TUT4: variants seen among roughly 807,000 people sequenced by gnomAD.
TUT4 encodes the protein terminal uridylyltransferase 4.
TUT4 carries 36 observed loss-of-function variants against 192.2 expected under a neutral mutation model. That is an observed-to-expected ratio of 0.19 (90% confidence interval 0.14 to 0.25). The LOEUF is 0.25. Among genes scored for constraint, TUT4 ranks in the 10% least tolerant of loss-of-function variants. The pLI is 1.00. For missense variants in TUT4, 1,493 were observed against 1,957.2 expected (o/e 0.76, Z 4.47); for synonymous variants, 618 against 666.0 (o/e 0.93, Z 1.11).
At position 52,445,770 on chromosome 1, in the gene TUT4, A is replaced by G. The variant is rs369000420; in HGVS notation, c.3822+17T>C. ...TAAAAAAAGAAAAGATTCACAATTC[A>G]TATAATGTAAACTTACAGCTTCTCT... On this transcript the variant is annotated intron_variant, in intron 24 of 29. Coordinates refer to ENST00000257177, the MANE Select transcript of TUT4 (RefSeq NM_001009881.3). 2.6e-6 allele frequency: 4 copies of G among 1,561,040 alleles called. No homozygotes were observed. In the African/African-American group the frequency reaches 5.5e-5, roughly 21 times the overall value.
At chr1:52,520,349 A>G (rs1679913398) in intron 2 of TUT4, among the ~76,000 whole-genome samples, 1 of 152,234 alleles carries the variant, frequency 6.6e-6, no homozygotes, top group African/African-American at 2.4e-5. Flanking sequence ...TAACAGGATC[A>G]TTCTGCTTAC....
intron 2 of TUT4, among the ~76,000 whole-genome samples, chr1:52,519,380 T>C (rs1044077056): frequency 2.6e-5 from 4 of 152,188 alleles, no homozygotes; most frequent in African/African-American, 7.2e-5. Flanking sequence ...TAATGAATAG[T>C]GACTGCTAAT....
intron 24 of TUT4, among the ~76,000 whole-genome samples, chr1:52,440,431 G>A (rs1655169769): frequency 8.1e-6 from 1 of 123,308 alleles, no homozygotes; most frequent in African/African-American, 3.4e-5. Flanking sequence ...TGCCCATCCT[G>A]TGTTTTTTTT....
intron 1 of TUT4, among the ~76,000 whole-genome samples, chr1:52,537,232 T>C (rs1166575883): frequency 6.6e-6 from 1 of 152,150 alleles, no homozygotes; most frequent in African/African-American, 2.4e-5. Flanking sequence ...CAATCTATCA[T>C]CTATCTACAA....
At chr1:52,509,827 TTTTC>T (rs1676616532) in intron 3 of TUT4, 115 bp from the exon 4 acceptor site, 2 of 730,104 alleles carry the variant, frequency 2.7e-6, no homozygotes, top group African/African-American at 3.6e-5. Flanking sequence ...ACTGAAGGTT[TTTTC>T]TTTATCCTTT....
intron 12 of TUT4, among the ~76,000 whole-genome samples, chr1:52,477,185 A>G (rs746560313): frequency 3.9e-5 from 6 of 152,204 alleles, no homozygotes; most frequent in Non-Finnish European, 8.8e-5. Context: ...AACATTTAAA[A>G]AATGCTAATT....
intron 1 of TUT4, among the ~76,000 whole-genome samples, chr1:52,539,363 A>C (rs979805720): frequency 6.6e-6 from 1 of 152,070 alleles, no homozygotes; most frequent in Non-Finnish European, 1.5e-5. Flanking sequence ...GTGAATATAA[A>C]GGGGTGACCT....
At chr1:52,496,893 A>G (rs1672585503) in intron 5 of TUT4, 113 bp downstream of exon 5, 2 of 1,024,402 alleles carry the variant, frequency 2.0e-6, no homozygotes, top group Non-Finnish European at 1.4e-6. Context: ...AATAAATTTT[A>G]TCTACTTTTA....
intron 14 of TUT4, among the ~76,000 whole-genome samples, chr1:52,470,611 C>G (rs559551530): frequency 4.9e-4 from 75 of 151,752 alleles, no homozygotes; most frequent in South Asian, 4.4e-3. Context: ...ATAAATGAAT[C>G]TCAAAGTAAT....
At chr1:52,426,258 G>A (rs1649891271) in intron 28 of TUT4, among the ~76,000 whole-genome samples, 1 of 150,978 alleles carries the variant, frequency 6.6e-6, no homozygotes. Context: ...AGATTATGAG[G>A]TTTAAATTGG....
chr1:52,535,371 A>C (rs933473761), intron 1 of TUT4, among the ~76,000 whole-genome samples: 1 of 151,810 alleles, frequency 6.6e-6, no homozygotes, highest in African/African-American at 2.4e-5. Flanking sequence ...ATTTCTAAGA[A>C]CTCTCTCTAA....
At chr1:52,515,749 G>T in intron 3 of TUT4, 142 bp downstream of exon 3, 1 of 901,682 alleles carries the variant, frequency 1.1e-6, no homozygotes, top group Non-Finnish European at 1.7e-6. Flanking sequence ...GAAAGAAGAA[G>T]AAAGGTAGAG....
In TUT4 at chr1:52,425,338, A is replaced by G. The variant is rs768732592; in HGVS notation, c.4870+11T>C. The G allele has an allele frequency of 3.1e-6, 5 of 1,610,964 alleles. No homozygotes were observed. The East Asian group carries it at 1.1e-4, about 36-fold the overall frequency. ...ACCCAAGCCTGTTAACTAATTTGTA[A>G]GCAGTGGTACCTTGAGTATAGAAAG... On this transcript the variant is annotated intron_variant, in intron 29 of 29. Coordinates refer to ENST00000257177, the MANE Select transcript of TUT4 (RefSeq NM_001009881.3).
intron 6 of TUT4, among the ~76,000 whole-genome samples, chr1:52,494,483 G>A (rs1400787822): frequency 2.0e-5 from 3 of 152,162 alleles, no homozygotes; most frequent in Admixed American, 2.0e-4. Flanking sequence ...CCTGAGGTCA[G>A]GAGTTCAACA....
chr1:52,496,856 T>G (rs2149152097), intron 5 of TUT4, 150 bp downstream of exon 5: 2 of 752,600 alleles, frequency 2.7e-6, no homozygotes, highest in African/African-American at 1.8e-5. Flanking sequence ...GTGTGAAATA[T>G]TTCCCTCAAA....
At chr1:52,466,292 C>T (rs1312079931) in intron 15 of TUT4, among the ~76,000 whole-genome samples, 1 of 151,946 alleles carries the variant, frequency 6.6e-6, no homozygotes. Flanking sequence ...GTGGGAGGAT[C>T]GTTTGAGACC....
intron 1 of TUT4, among the ~76,000 whole-genome samples, chr1:52,534,151 G>T (rs1283910227): frequency 6.6e-6 from 1 of 152,006 alleles, no homozygotes. Flanking sequence ...AAATAATCCA[G>T]ACAAAACTTA....
In TUT4 at chr1:52,516,018, G is replaced by T; in HGVS notation, c.755C>A (p.Ser252Tyr). 1.2e-6 allele frequency: 2 copies of T among 1,613,168 alleles called. No individual in the cohort carries two copies. The highest frequency in any genetic ancestry group is 1.7e-6 in the Non-Finnish European group (2 of 1,179,642). The change falls in exon 3 of 30, where the codon TCT becomes TAT. Residue 252 changes from serine (S) to tyrosine (Y), a missense_variant. By Grantham distance (144) the Ser-to-Tyr change is moderately radical. This residue lies in a region of TUT4 where 437 missense variants were observed against 577.6 expected (regional missense o/e 0.76). Coordinates refer to ENST00000257177, the MANE Select transcript of TUT4 (RefSeq NM_001009881.3). ...ATTTTCTAAGTAGTCCATCTCTGAA[G>T]AATTTTCTTTATTAGATTCATCATT... ...MKNDESNKEN[S>Y]SEMDYLENAT...
intron 26 of TUT4, among the ~76,000 whole-genome samples, chr1:52,436,323 TA>T (rs1377510877): frequency 1.3e-5 from 2 of 152,034 alleles, no homozygotes; most frequent in East Asian, 1.9e-4. Flanking sequence ...ATGTCTCTAC[TA>T]AAAGTCTAAA....
Sources: gnomAD v4.1 joint callset for allele counts (sites outside exome capture counted in the v4.1 genomes callset) on GRCh38, gnomAD v4.1.1 for gene constraint, gnomAD v4.1.1 regional missense constraint, MANE v1.5 for transcripts, NCBI Gene and HGNC (gene_info 2026-07-23, HGNC 2026-07-21) for gene names.